Variants in PBX1 observed in about 807,000 individuals in gnomAD.
PBX1 encodes pre-B-cell leukemia transcription factor 1.
PBX1 carries 6 observed loss-of-function variants against 53.4 expected under a neutral mutation model. That is an observed-to-expected ratio of 0.11 (90% CI 0.06 to 0.22). The LOEUF is 0.22. PBX1 is among the 10% of genes least tolerant of loss of function. PBX1 has a pLI of 1.00. For synonymous variants in PBX1, 204 were observed against 212.3 expected, an observed-to-expected ratio of 0.96 and a Z score of 0.34; for missense variants, 251 against 551.4, an observed-to-expected ratio of 0.46 and a Z score of 5.46.
intron 2 of PBX1, among the ~76,000 whole-genome samples, chr1:164,605,740 C>CG (rs1369663350): frequency 6.6e-6 from 1 of 152,022 alleles, no homozygotes; most frequent in Non-Finnish European, 1.5e-5. Context: ...AGGTTGCTTG[C>CG]GGGGATTATT....
intron 2 of PBX1, among the ~76,000 whole-genome samples, chr1:164,658,021 A>T (rs1186762554): frequency 6.6e-6 from 1 of 152,156 alleles, no homozygotes; most frequent in Non-Finnish European, 1.5e-5. Flanking sequence ...TGTCAGGCAG[A>T]TTCTGGGGGA....
Position 164,603,929 on chromosome 1 carries a change from A to ATTTTTTTTTTTTTTTTTTTTTTT in PBX1, c.265+40629_265+40651dup, listed in dbSNP as rs71583414. 1.8e-4 allele frequency among the ~76,000 whole-genome samples: 14 copies of ATTTTTTTTTTTTTTTTTTTTTTT among 75,742 alleles called. 5 individuals carry two copies. The highest frequency in any genetic ancestry group is 3.1e-4 in the African/African-American group (5 of 16,184). 49.7% of individuals were successfully genotyped at this position (75,742 alleles called of 152,430 possible). On this transcript the variant is annotated intron_variant, in intron 2 of 8. Coordinates refer to ENST00000420696, the MANE Select transcript of PBX1 (RefSeq NM_002585.4). ...GACACTCTGTACATTATGTCATTTC[A>ATTTTTTTTTTTTTTTTTTTTTTT]TTTTTTTTTTTTTTTTTTTTTTTTT...
intron 2 of PBX1, among the ~76,000 whole-genome samples, chr1:164,776,899 TTGTGTGTGTGTGTGTG>T (rs368787176): frequency 1.0e-5 from 1 of 97,128 alleles, no homozygotes; most frequent in Non-Finnish European, 2.0e-5. Flanking sequence ...GGTTTTACAT[TTGTGTGTGTGTGTGTG>T]TGTGTGTGTG....
intron 2 of PBX1, among the ~76,000 whole-genome samples, chr1:164,664,406 G>A (rs989867494): frequency 6.6e-6 from 1 of 152,166 alleles, no homozygotes; most frequent in African/African-American, 2.4e-5. Context: ...GGAAGCTGTG[G>A]GAAGCCCCGG....
chr1:164,803,902 C>A (rs1669207329), intron 4 of PBX1, among the ~76,000 whole-genome samples: 2 of 152,136 alleles, frequency 1.3e-5, no homozygotes, highest in Admixed American at 1.3e-4. Flanking sequence ...AGTTTTCTTA[C>A]CTGTAAAACA....
chr1:164,623,991 A>T (rs962056725), intron 2 of PBX1, among the ~76,000 whole-genome samples: 16 of 152,136 alleles, frequency 1.1e-4, no homozygotes, highest in Non-Finnish European at 2.1e-4. Context: ...AGGGAGATAG[A>T]AGGAGGAAGT....
intron 2 of PBX1, among the ~76,000 whole-genome samples, chr1:164,708,269 A>G (rs1243888284): frequency 6.6e-6 from 1 of 152,208 alleles, no homozygotes; most frequent in Non-Finnish European, 1.5e-5. Context: ...TAGCTGTGTA[A>G]GGGGCAGATA....
intron 2 of PBX1, among the ~76,000 whole-genome samples, chr1:164,765,698 T>A (rs1299365186): frequency 6.6e-6 from 1 of 152,202 alleles, no homozygotes; most frequent in Admixed American, 6.5e-5. Context: ...AGAAGTGAAC[T>A]GACTCTCCCA....
intron 2 of PBX1, chr1:164,674,732 T>C (rs1409378420): frequency 6.6e-6 from 1 of 151,526 alleles, no homozygotes; most frequent in East Asian, 1.9e-4. Context: ...CTCTACCAAG[T>C]TGGAAAAAAT....
At chr1:164,678,513 T>C (rs1661569270) in intron 2 of PBX1, among the ~76,000 whole-genome samples, 1 of 152,214 alleles carries the variant, frequency 6.6e-6, no homozygotes, top group African/African-American at 2.4e-5. Flanking sequence ...CTTCTTCACG[T>C]GACTGGCTGA....
intron 2 of PBX1, among the ~76,000 whole-genome samples, chr1:164,634,977 A>G (rs180701619): frequency 4.5e-4 from 68 of 151,270 alleles, no homozygotes; most frequent in African/African-American, 1.1e-3. Flanking sequence ...AGAGATGGCA[A>G]TTGTGGGCAG....
intron 2 of PBX1, among the ~76,000 whole-genome samples, chr1:164,667,050 G>C (rs952421269): frequency 6.6e-6 from 1 of 152,128 alleles, no homozygotes; most frequent in South Asian, 2.1e-4. Flanking sequence ...GCCTGACATC[G>C]TGTCTGTCTT....
chr1:164,725,863 A>G (rs1053307185), intron 2 of PBX1, among the ~76,000 whole-genome samples: 2 of 152,164 alleles, frequency 1.3e-5, no homozygotes, highest in African/African-American at 4.8e-5. Flanking sequence ...GCCCAAGACA[A>G]CTAGAGTGGT....
chr1:164,796,150 C>G (rs1178859027), intron 3 of PBX1, among the ~76,000 whole-genome samples: 2 of 151,776 alleles, frequency 1.3e-5, no homozygotes, highest in Non-Finnish European at 2.9e-5. Flanking sequence ...GCTGGGAATA[C>G]AGGCACGTGC....
intron 2 of PBX1, among the ~76,000 whole-genome samples, chr1:164,612,101 A>G (rs1418755621): frequency 2.0e-5 from 3 of 152,298 alleles, no homozygotes; most frequent in Admixed American, 6.5e-5. Flanking sequence ...ATGGCACAGT[A>G]TAATATATGG....
chr1:164,737,924 A>T (rs560231569), intron 2 of PBX1, among the ~76,000 whole-genome samples: 1 of 151,956 alleles, frequency 6.6e-6, no homozygotes, highest in Non-Finnish European at 1.5e-5. Context: ...GCACCCACTG[A>T]TCTGCTTTCT....
intron 2 of PBX1, among the ~76,000 whole-genome samples, chr1:164,578,902 A>C (rs1654429356): frequency 1.4e-5 from 2 of 147,834 alleles, no homozygotes; most frequent in East Asian, 2.0e-4. Flanking sequence ...TTCCCCTTTC[A>C]CTCTCTTTTG....
intron 2 of PBX1, among the ~76,000 whole-genome samples, chr1:164,748,203 A>G (rs1666001742): frequency 6.6e-6 from 1 of 152,192 alleles, no homozygotes; most frequent in Non-Finnish European, 1.5e-5. Flanking sequence ...ATAAAGAAAG[A>G]TCATGTCACA....
intron 2 of PBX1, among the ~76,000 whole-genome samples, chr1:164,634,993 A>G (rs888063780): frequency 1.1e-4 from 17 of 151,484 alleles, no homozygotes; most frequent in Non-Finnish European, 2.9e-5. Flanking sequence ...GGCAGGAGTT[A>G]ACTCTAAGGC....
Sources: gnomAD v4.1 joint callset for allele counts (sites outside exome capture counted in the v4.1 genomes callset) on GRCh38, gnomAD v4.1.1 for gene constraint, MANE v1.5 for transcripts, NCBI Gene and HGNC (gene_info 2026-07-23, HGNC 2026-07-21) for gene names.